The following NALCN variants were observed in gnomAD, a reference collection of about 807,000 sequenced individuals.
NALCN encodes sodium leak channel NALCN.
A neutral mutation model predicts 225.3 loss-of-function variants in NALCN; 111 were observed. The observed-to-expected ratio is 0.49, with a 90% confidence interval of 0.42 to 0.58. NALCN has a LOEUF of 0.58. NALCN is among the 20% of genes least tolerant of loss of function. The pLI, the probability that NALCN is intolerant of heterozygous loss-of-function variation, is 0.00. For synonymous variants in NALCN, 764 were observed against 769.0 expected, an observed-to-expected ratio of 0.99 and a Z score of 0.11; for missense variants, 1,378 against 2,202.4, an observed-to-expected ratio of 0.63 and a Z score of 7.49.
chr13:101,191,795 C>G, intron 14 of NALCN, 122 bp downstream of exon 14: 3 of 928,954 alleles, frequency 3.2e-6, no homozygotes, highest in Non-Finnish European at 4.7e-6. Flanking sequence ...TCTCATCCAA[C>G]CAGATTAGTC....
intron 13 of NALCN, among the ~76,000 whole-genome samples, chr13:101,211,824 A>G (rs2040536878): frequency 1.3e-5 from 2 of 152,184 alleles, no homozygotes; most frequent in South Asian, 4.1e-4. Flanking sequence ...AGAAAAAAAT[A>G]TAAAATATCT....
intron 7 of NALCN, among the ~76,000 whole-genome samples, chr13:101,307,604 G>T (rs751388363): frequency 1.3e-5 from 2 of 152,130 alleles, no homozygotes; most frequent in Non-Finnish European, 2.9e-5. Flanking sequence ...TGAGGAATTT[G>T]AACAAATTCC....
rs756196412 is a variant in NALCN at position 101,089,597 on chromosome 13, C to CA, written c.3489+65dup. ...GCTTCACGCCGCGTGTGAAAAGAAA[C>CA]AAATAGCTCAAAGTGAGTGGCTAGA... On this transcript the variant is annotated intron_variant, in intron 30 of 43. Coordinates refer to ENST00000251127, the MANE Select transcript of NALCN (RefSeq NM_052867.4). This position sits in a 1 kb window ranked among gnomAD's most constrained non-coding sequence, Gnocchi z 4.7. The CA allele has an allele frequency of 1.0e-5, 15 of 1,451,922 alleles. No homozygotes were observed. The highest frequency in any genetic ancestry group is 2.4e-4 in the Middle Eastern group (1 of 4,126). The allele number at this position is 1,451,922 out of a possible 1,614,324, so 89.9% of individuals were successfully genotyped here.
intron 18 of NALCN, among the ~76,000 whole-genome samples, chr13:101,112,789 A>C (rs1312785546): frequency 1.3e-5 from 2 of 152,214 alleles, no homozygotes; most frequent in Non-Finnish European, 1.5e-5. Context: ...CATCTGTCTG[A>C]GAATTAAGAT....
At chr13:101,199,463 G>T (rs1015554804) in intron 13 of NALCN, among the ~76,000 whole-genome samples, 6 of 151,620 alleles carry the variant, frequency 4.0e-5, no homozygotes, top group African/African-American at 1.5e-4. Context: ...GGAATACTAT[G>T]CAGCCATAAA....
intron 7 of NALCN, among the ~76,000 whole-genome samples, chr13:101,326,139 A>G (rs1049126376): frequency 5.8e-4 from 89 of 152,310 alleles, no homozygotes; most frequent in African/African-American, 2.1e-3. Context: ...TAAGGACACA[A>G]TTGGAGTTCT....
intron 13 of NALCN, among the ~76,000 whole-genome samples, chr13:101,223,610 C>T (rs1395296399): frequency 6.6e-6 from 1 of 152,172 alleles, no homozygotes; most frequent in Non-Finnish European, 1.5e-5. Flanking sequence ...CCCCTATCGA[C>T]CTCAATCTTC....
At chr13:101,153,360 G>T (rs893711378) in intron 15 of NALCN, among the ~76,000 whole-genome samples, 3 of 151,946 alleles carry the variant, frequency 2.0e-5, no homozygotes, top group African/African-American at 7.3e-5. Flanking sequence ...TATGAATGGG[G>T]TGACACATAT....
At chr13:101,319,193 T>A (rs1019990755) in intron 7 of NALCN, among the ~76,000 whole-genome samples, 2 of 152,186 alleles carry the variant, frequency 1.3e-5, no homozygotes. Flanking sequence ...ATATAGAAAG[T>A]GCTCAGAAAC....
At chr13:101,234,842 AT>A in intron 12 of NALCN, among the ~76,000 whole-genome samples, 1 of 89,260 alleles carries the variant, frequency 1.1e-5, no homozygotes, top group East Asian at 4.6e-4. Flanking sequence ...TCTACTATCT[AT>A]CTATCTATCA....
chr13:101,113,223 G>A (rs558744150), intron 18 of NALCN, among the ~76,000 whole-genome samples: 2 of 152,288 alleles, frequency 1.3e-5, no homozygotes, highest in African/African-American at 4.8e-5. Context: ...CCACACACAG[G>A]TTCCTGGTGA....
rs546388132 is a variant in NALCN at position 101,315,472 on chromosome 13, G to GA, written c.800-23107dup. Among the ~76,000 whole-genome samples, 16 of 152,228 alleles carry GA rather than the reference G, an allele frequency of 1.1e-4. 1 individual carries two copies. In the South Asian group the frequency reaches 2.3e-3, roughly 22 times the overall value. ...TATTTTATTCTTTAGAGGAGATGAA[G>GA]AAATGGTAGTAGGCCTAGATGAATT... On this transcript the variant is annotated intron_variant, in intron 7 of 43. Transcript: ENST00000251127.
At chr13:101,323,129 T>C (rs1413772071) in intron 7 of NALCN, among the ~76,000 whole-genome samples, 1 of 152,206 alleles carries the variant, frequency 6.6e-6, no homozygotes, top group Non-Finnish European at 1.5e-5. Context: ...CATCTTATAA[T>C]CCAATAATAA....
At chr13:101,371,809 T>C (rs1178902498) in intron 6 of NALCN, among the ~76,000 whole-genome samples, 1 of 152,144 alleles carries the variant, frequency 6.6e-6, no homozygotes, top group African/African-American at 2.4e-5. Flanking sequence ...TCTTCTTCAT[T>C]TACGCTCTTA....
chr13:101,057,732 G>A (rs114751589), intron 43 of NALCN: 23 of 572,766 alleles, frequency 4.0e-5, no homozygotes, highest in African/African-American at 1.5e-4. Context: ...AAATGTACCC[G>A]GAAAATGGGG....
intron 35 of NALCN, 62 bp from the exon 36 acceptor site, chr13:101,074,724 G>GAC (rs2033142918): frequency 3.4e-3 from 3,475 of 1,034,306 alleles, no homozygotes; most frequent in Non-Finnish European, 3.6e-3. Context: ...CAGAGACAGA[G>GAC]AGAGAGAGAG....
chr13:101,377,100 G>A, intron 4 of NALCN, 44 bp from the exon 5 acceptor site: 1 of 1,612,478 alleles, frequency 6.2e-7, no homozygotes, highest in Non-Finnish European at 8.5e-7. Flanking sequence ...TTTTCCCTTA[G>A]CATTGCTTAT....
chr13:101,208,020 A>G (rs1039361982), intron 13 of NALCN, among the ~76,000 whole-genome samples: 3 of 151,834 alleles, frequency 2.0e-5, no homozygotes, highest in African/African-American at 4.8e-5. Context: ...ACTCACCACG[A>G]AGGTCTGCAG....
chr13:101,100,797 T>C lies in NALCN; in HGVS notation c.3149A>G (p.Asn1050Ser). ...AGKLAKCNDP[N>S]IIRREDCNGI... ...GATACATCTTACCCTTCTAATAATG[T>C]TGGGATCATTGCACTTGGCCAGTTT... The change falls in exon 27 of 44, where the codon AAC (asparagine) becomes AGC (serine). Residue 1050 changes from asparagine to serine, a missense_variant. By Grantham distance (46) the Asn-to-Ser change is conservative. Coordinates refer to ENST00000251127, the MANE Select transcript of NALCN (RefSeq NM_052867.4). 1 of 1,608,312 alleles carries C rather than the reference T, an allele frequency of 6.2e-7. No individual in the cohort carries two copies. The highest frequency in any genetic ancestry group is 8.5e-7 in the Non-Finnish European group (1 of 1,177,058).
Sources: allele counts gnomAD v4.1 joint callset (sites outside exome capture counted in the v4.1 genomes callset), GRCh38; gene constraint gnomAD v4.1.1; non-coding constraint Gnocchi (gnomAD v3.1); transcripts MANE v1.5; gene names NCBI Gene and HGNC (gene_info 2026-07-23, HGNC 2026-07-21).